Variants in EFNA5 observed in about 807,000 individuals in gnomAD.
EFNA5 encodes ephrin A5, also known as ephrin-A5.
EFNA5 carries 5 observed loss-of-function variants against 22.9 expected under a neutral mutation model. The observed-to-expected ratio is 0.22, with a 90% CI of 0.11 to 0.46. The LOEUF is 0.46. EFNA5 is among the 20% of genes least tolerant of loss of function. EFNA5 has a pLI of 0.99. For synonymous variants in EFNA5, 113 were observed against 112.2 expected (o/e 1.01, Z -0.04); for missense variants, 237 against 293.3 (o/e 0.81, Z 1.40).
intron 1 of EFNA5, among the ~76,000 whole-genome samples, chr5:107,559,077 G>C (rs1232391666): frequency 2.0e-5 from 3 of 152,172 alleles, no homozygotes; most frequent in East Asian, 3.9e-4. Context: ...TTATGTTTCA[G>C]GGAACTGACA....
chr5:107,590,220 C>A (rs190310688), intron 1 of EFNA5, among the ~76,000 whole-genome samples: 1 of 152,222 alleles, frequency 6.6e-6, no homozygotes, highest in East Asian at 1.9e-4. Flanking sequence ...CTAAAAGAAA[C>A]AACTCATCTC....
chr5:107,393,166 G>A (rs913132167), intron 2 of EFNA5, among the ~76,000 whole-genome samples: 2 of 152,150 alleles, frequency 1.3e-5, no homozygotes, highest in African/African-American at 4.8e-5. Context: ...AGAATGGAAA[G>A]GTGGTCTTTA....
chr5:107,461,515 T>C (rs891288849), intron 1 of EFNA5, among the ~76,000 whole-genome samples: 4 of 151,764 alleles, frequency 2.6e-5, no homozygotes, highest in African/African-American at 9.7e-5. Flanking sequence ...TTTCTACAGG[T>C]TGTAATTGAG....
chr5:107,515,430 G>A (rs1291928194), intron 1 of EFNA5, among the ~76,000 whole-genome samples: 1 of 148,488 alleles, frequency 6.7e-6, no homozygotes, highest in Non-Finnish European at 1.5e-5. Flanking sequence ...CCAGGCTAGA[G>A]TGCAGTGGCA....
At chr5:107,483,843 T>C (rs1750548249) in intron 1 of EFNA5, among the ~76,000 whole-genome samples, 1 of 152,168 alleles carries the variant, frequency 6.6e-6, no homozygotes, top group Non-Finnish European at 1.5e-5. Context: ...TTGAAGTAAT[T>C]ATTATTCATC....
At chr5:107,476,909 G>A (rs1328656263) in intron 1 of EFNA5, among the ~76,000 whole-genome samples, 2 of 152,016 alleles carry the variant, frequency 1.3e-5, no homozygotes, top group East Asian at 1.9e-4. Flanking sequence ...ACCTTATATA[G>A]CTTAAAAACA....
chr5:107,413,542 C>A (rs1316021226), intron 2 of EFNA5, among the ~76,000 whole-genome samples: 7 of 152,186 alleles, frequency 4.6e-5, no homozygotes, highest in Non-Finnish European at 8.8e-5. Flanking sequence ...TCATTTCTTT[C>A]TCTCCAGGTA....
intron 1 of EFNA5, among the ~76,000 whole-genome samples, chr5:107,558,500 A>G (rs1748470390): frequency 6.6e-6 from 1 of 152,226 alleles, no homozygotes; most frequent in Non-Finnish European, 1.5e-5. Context: ...TTTCTCTTCC[A>G]AAACTTCTAT....
At chr5:107,404,720 T>C (rs1748164926) in intron 2 of EFNA5, among the ~76,000 whole-genome samples, 1 of 152,206 alleles carries the variant, frequency 6.6e-6, no homozygotes, top group Non-Finnish European at 1.5e-5. Flanking sequence ...GTTTACAGTA[T>C]AAATCATACT....
rs1008739951 is a variant in EFNA5, at chr5:107,387,756, T to C, written c.434A>G (p.Asp145Gly). ...EYFYISSAIP[D>G]NGRRSCLKLK... is the part of the protein sequence containing the mutation. ...CTTTAGACAGGACCTTCTTCCATTA[T>C]CTGGGATTGCAGAGGCTGTGGGTAA... Residue 145 changes from aspartate (D) to glycine (G), a missense_variant, in exon 3 of 5, where the codon GAT becomes GGT. Physicochemically the swap from Asp to Gly is moderately conservative, Grantham distance 94. This residue lies in a region of EFNA5 where 104 missense variants were observed against 114.5 expected (regional missense o/e 0.91). Transcript: ENST00000333274. 6.2e-7 allele frequency: 1 copy of C among 1,612,978 alleles called. No homozygotes were observed. The highest frequency in any genetic ancestry group is 1.3e-5 in the African/African-American group (1 of 75,006).
intron 1 of EFNA5, among the ~76,000 whole-genome samples, chr5:107,579,151 C>T (rs1471681616): frequency 6.6e-6 from 1 of 152,072 alleles, no homozygotes; most frequent in East Asian, 1.9e-4. Flanking sequence ...TTAACACTGT[C>T]CTTATTTTAT....
chr5:107,433,728 C>G, intron 1 of EFNA5, among the ~76,000 whole-genome samples: 1 of 152,084 alleles, frequency 6.6e-6, no homozygotes, highest in South Asian at 2.1e-4. Context: ...GACTCCATCT[C>G]TATAAAACAT....
At chr5:107,587,768 C>T (rs999735152) in intron 1 of EFNA5, among the ~76,000 whole-genome samples, 2 of 152,178 alleles carry the variant, frequency 1.3e-5, no homozygotes, top group African/African-American at 4.8e-5. Flanking sequence ...CCGCCCGCCT[C>T]GGCCTCCCAA....
intron 1 of EFNA5, among the ~76,000 whole-genome samples, chr5:107,601,279 A>G (rs1057029014): frequency 6.6e-6 from 1 of 152,228 alleles, no homozygotes; most frequent in African/African-American, 2.4e-5. Flanking sequence ...TCTTACCTCT[A>G]TCTCAGCTCC....
At chr5:107,503,482 CA>C (rs1747181791) in intron 1 of EFNA5, among the ~76,000 whole-genome samples, 1 of 152,166 alleles carries the variant, frequency 6.6e-6, no homozygotes. Flanking sequence ...TCGCTGTTTT[CA>C]ATCATTCGTT....
chr5:107,460,548 C>A (rs1335942546), intron 1 of EFNA5, among the ~76,000 whole-genome samples: 1 of 152,072 alleles, frequency 6.6e-6, no homozygotes, highest in Non-Finnish European at 1.5e-5. Flanking sequence ...AAGCCTCTTT[C>A]TTAAGGAAGG....
intron 1 of EFNA5, among the ~76,000 whole-genome samples, chr5:107,512,637 A>G (rs555357953): frequency 1.3e-5 from 2 of 152,188 alleles, no homozygotes; most frequent in South Asian, 2.1e-4. Flanking sequence ...AACACACACC[A>G]TGGTGTTTTT....
At chr5:107,586,142 T>C (rs373291334) in intron 1 of EFNA5, among the ~76,000 whole-genome samples, 1 of 152,176 alleles carries the variant, frequency 6.6e-6, no homozygotes, top group Non-Finnish European at 1.5e-5. Flanking sequence ...ACTCATGGGA[T>C]TGCTCGAATT....
At chr5:107,393,201 T>C (rs1405383004) in intron 2 of EFNA5, among the ~76,000 whole-genome samples, 1 of 152,208 alleles carries the variant, frequency 6.6e-6, no homozygotes, top group Non-Finnish European at 1.5e-5. Context: ...GAAAGGATTT[T>C]AAAATAAGTT....
Sources: allele counts gnomAD v4.1 joint callset (sites outside exome capture counted in the v4.1 genomes callset), GRCh38; gene constraint gnomAD v4.1.1; regional missense constraint gnomAD v4.1.1; transcripts MANE v1.5; gene names NCBI Gene and HGNC (gene_info 2026-07-23, HGNC 2026-07-21).